USP10: variants seen among roughly 807,000 people sequenced by gnomAD.
USP10 encodes ubiquitin specific peptidase 10, also known as ubiquitin carboxyl-terminal hydrolase 10.
A neutral mutation model predicts 84.5 loss-of-function variants in USP10; 22 were observed. The observed-to-expected ratio is 0.26, with a 90% CI of 0.19 to 0.37. The LOEUF (loss-of-function observed/expected upper bound fraction) is 0.37, where lower values mean the gene tolerates loss of function less well. Among genes scored for constraint, USP10 ranks in the 10% least tolerant of loss-of-function variants. USP10 has a pLI of 1.00. For missense variants in USP10, 1,019 were observed against 998.9 expected, an observed-to-expected ratio of 1.02 and a Z score of -0.27; for synonymous variants, 454 against 387.6, an observed-to-expected ratio of 1.17 and a Z score of -2.01.
At chr16:84,735,237 G>GT (rs1491097272) in intron 2 of USP10, among the ~76,000 whole-genome samples, 87 of 141,350 alleles carry the variant, frequency 6.2e-4, no homozygotes, top group African/African-American at 1.9e-3. Context: ...GTGTGTGTGT[G>GT]GTGTGTGTGT....
chr16:84,705,380 C>T (rs1233122526), intron 1 of USP10, among the ~76,000 whole-genome samples: 2 of 151,890 alleles, frequency 1.3e-5, no homozygotes, highest in African/African-American at 2.4e-5. Context: ...TACAGGCACC[C>T]GCCACCATGC....
chr16:84,722,284 G>A (rs1237740957), intron 1 of USP10, among the ~76,000 whole-genome samples: 1 of 152,218 alleles, frequency 6.6e-6, no homozygotes, highest in Non-Finnish European at 1.5e-5. Context: ...AGCCTTTTCA[G>A]TACTGGGTAG....
intron 4 of USP10, among the ~76,000 whole-genome samples, chr16:84,757,466 T>C (rs1357024627): frequency 6.6e-6 from 1 of 151,544 alleles, no homozygotes; most frequent in Non-Finnish European, 1.5e-5. Context: ...TGTAAATTAA[T>C]TTTTTCATTT....
Position 84,734,810 on chromosome 16 carries a change from A to G in USP10, c.90+1307A>G, listed in dbSNP as rs145901583. ...GTGTGTAATAAGCTGAAATTGAGGC[A>G]CTGAATTTTGTATATGTGTGAGGTG... On this transcript the variant is annotated intron_variant, in intron 2 of 13. Transcript: ENST00000219473. 4.3e-3 allele frequency among the ~76,000 whole-genome samples: 652 copies of G among 152,300 alleles called. 10 individuals are homozygous for G. Among genetic ancestry groups the G allele is most frequent in the Admixed American group, 0.038 (577 of 15,304 alleles).
rs1913536368 is a variant in USP10 at position 84,764,068 on chromosome 16, A to G, written c.1655-18A>G. ...TCTTGTCGTAAATAGTAGTGTAAGC[A>G]GATGCTCTCCTTTTCAGAACTTACG... On this transcript the variant is annotated intron_variant, in intron 9 of 13. Transcript: ENST00000219473. The G allele has an allele frequency of 1.2e-6, 2 of 1,606,788 alleles. No individual in the cohort carries two copies. The highest frequency in any genetic ancestry group is 1.7e-5 in the Admixed American group (1 of 57,664).
intron 10 of USP10, among the ~76,000 whole-genome samples, chr16:84,767,746 A>G (rs77343851): frequency 0.041 from 6,222 of 152,286 alleles, 175 homozygotes; most frequent in South Asian, 0.064. Flanking sequence ...TAGAAATACT[A>G]AGGAGGTGCT....
At chr16:84,774,211 C>G (rs938488379) in intron 12 of USP10, among the ~76,000 whole-genome samples, 11 of 151,846 alleles carry the variant, frequency 7.2e-5, no homozygotes, top group Admixed American at 5.3e-4. Flanking sequence ...CCACTGCACT[C>G]CAGCCTGGGC....
chr16:84,745,168 C>G lies in USP10; in HGVS notation c.687C>G (p.Pro229=). ...ACATTGTGCCTGACAGTCCTTTCCC[C>G]GGAGCACTCGGCAGTGACACCAGGA... is the stretch of plus-strand genomic sequence containing the variant. ...VSDIVPDSPF[P]GALGSDTRTA... Residue 229 remains proline, a synonymous_variant, in exon 4 of 14, where the codon CCC becomes CCG. Transcript: ENST00000219473. The G allele has an allele frequency of 8.1e-6, 13 of 1,613,320 alleles. No homozygotes were observed. The highest frequency in any genetic ancestry group is 1.1e-5 in the South Asian group (1 of 91,042).
chr16:84,764,103 G>A lies in USP10; in HGVS notation c.1672G>A (p.Gly558Ser), dbSNP rs375848107. Residue 558 changes from glycine to serine, a missense_variant, in exon 10 of 14, where the codon GGC (glycine) becomes AGC (serine). Gly to Ser is a moderately conservative substitution (Grantham distance 56, BLOSUM62 0). Transcript: ENST00000219473. ...PSNEKLTISN[G>S]PKNHSVNEEE... ...CTTTTCAGAACTTACGATTTCCAAC[G>A]GCCCCAAAAACCACTCGGTCAATGA... The A allele has an allele frequency of 3.7e-6, 6 of 1,612,798 alleles. No homozygotes were observed. Among genetic ancestry groups the A allele is most frequent in the African/African-American group, 2.7e-5 (2 of 74,716 alleles).
intron 4 of USP10, among the ~76,000 whole-genome samples, chr16:84,749,053 G>A (rs1172725936): frequency 6.6e-6 from 1 of 152,138 alleles, no homozygotes; most frequent in Non-Finnish European, 1.5e-5. Flanking sequence ...TAGACAGAAC[G>A]TAGTTGTTGA....
At chr16:84,703,810 G>T (rs968676585) in intron 1 of USP10, among the ~76,000 whole-genome samples, 2 of 152,198 alleles carry the variant, frequency 1.3e-5, no homozygotes, top group South Asian at 2.1e-4. Context: ...GAGCAGCCGC[G>T]CCGTACCAGG....
In USP10 at chr16:84,779,112, G is replaced by A. The variant is rs771382548; in HGVS notation, c.*30G>A. On this transcript the variant is annotated 3_prime_UTR_variant, in exon 14 of 14. Transcript: ENST00000219473. Reference sequence around the variant, plus strand: ...TGTGTGCGCTGTGTGTGCGCCCAGTGCCCGCTTCGTAGGACACCACCTCAC... The same window carrying A: ...TGTGTGCGCTGTGTGTGCGCCCAGTACCCGCTTCGTAGGACACCACCTCAC... The A allele has an allele frequency of 1.3e-6, 2 of 1,590,176 alleles. No homozygotes were observed. Among genetic ancestry groups the A allele is most frequent in the South Asian group, 1.1e-5 (1 of 89,408 alleles).
At chr16:84,714,875 C>G (rs932310110) in intron 1 of USP10, among the ~76,000 whole-genome samples, 7 of 150,354 alleles carry the variant, frequency 4.7e-5, no homozygotes, top group Non-Finnish European at 8.9e-5. Context: ...AAAACAAGTT[C>G]TACATATGAA....
intron 4 of USP10, among the ~76,000 whole-genome samples, chr16:84,746,460 TC>T (rs1245919627): frequency 1.3e-5 from 2 of 152,218 alleles, no homozygotes; most frequent in Non-Finnish European, 2.9e-5. Context: ...AGCCTATTAC[TC>T]CCGGGCTGCA....
intron 4 of USP10, among the ~76,000 whole-genome samples, chr16:84,751,586 T>G (rs766169917): frequency 1.8e-4 from 28 of 152,172 alleles, no homozygotes; most frequent in Non-Finnish European, 1.0e-4. Flanking sequence ...TTCAGAAACA[T>G]AAGTTGATCT....
intron 1 of USP10, among the ~76,000 whole-genome samples, chr16:84,713,490 C>T (rs944202870): frequency 2.0e-5 from 3 of 152,170 alleles, no homozygotes; most frequent in African/African-American, 7.2e-5. Context: ...GTGTCTGGTT[C>T]ACTCTCTCGT....
intron 1 of USP10, among the ~76,000 whole-genome samples, chr16:84,720,990 T>G (rs549387778): frequency 1.0e-3 from 152 of 151,440 alleles, no homozygotes; most frequent in Non-Finnish European, 1.4e-3. Flanking sequence ...GCCTGCCGTA[T>G]TCAAGCTATT....
intron 2 of USP10, among the ~76,000 whole-genome samples, chr16:84,736,112 G>A (rs1351871050): frequency 1.4e-5 from 2 of 145,008 alleles, no homozygotes; most frequent in Admixed American, 1.4e-4. Flanking sequence ...GGGAGGGCGT[G>A]TCACTTCTAC....
chr16:84,742,429 T>C (rs1910729503), intron 3 of USP10, among the ~76,000 whole-genome samples: 2 of 152,256 alleles, frequency 1.3e-5, no homozygotes, highest in African/African-American at 4.8e-5. Flanking sequence ...CTAATAAATG[T>C]GAACTCTCTG....
Sources: allele counts gnomAD v4.1 joint callset (sites outside exome capture counted in the v4.1 genomes callset), GRCh38; gene constraint gnomAD v4.1.1; transcripts MANE v1.5; gene names NCBI Gene and HGNC (gene_info 2026-07-23, HGNC 2026-07-21).